Variants in AGRN observed in about 807,000 individuals in gnomAD.
AGRN encodes agrin proteoglycan.
Under a neutral mutation model 211.0 loss-of-function variants are expected in AGRN, and 106 were observed. The observed-to-expected ratio is 0.50, with a 90% CI of 0.43 to 0.59. The LOEUF (loss-of-function observed/expected upper bound fraction) is 0.59, where lower values mean the gene tolerates loss of function less well. Among genes scored for constraint, AGRN ranks in the 20% least tolerant of loss-of-function variants. The pLI is 0.00. For missense variants in AGRN, 3,040 were observed against 2,982.6 expected, an observed-to-expected ratio of 1.02 and a Z score of -0.45; for synonymous variants, 1,525 against 1,332.5, an observed-to-expected ratio of 1.14 and a Z score of -3.15.
chr1:1,054,507 C>T lies in AGRN; in HGVS notation c.5936C>T (p.Pro1979Leu), dbSNP rs750764002. 81 of 1,603,450 alleles carry T rather than the reference C, an allele frequency of 5.1e-5. No homozygotes were observed. The highest frequency in any genetic ancestry group is 6.0e-5 in the Non-Finnish European group (70 of 1,176,136). ...GNEAPVTGSS[P>L]LGATQLDTDG... The stretch of plus-strand genomic sequence containing the variant: ...GAGGCCCCTGTGACCGGCTCCTCCC[C>T]GCTGGGCGCCACGCAGCTGGACACT... Residue 1979 changes from proline to leucine, a missense_variant, in exon 35 of 36, where the codon CCG becomes CTG. Transcript: ENST00000379370.
chr1:1,025,923 C>A (rs371677093), intron 2 of AGRN, among the ~76,000 whole-genome samples: 1 of 152,300 alleles, frequency 6.6e-6, no homozygotes, highest in South Asian at 2.1e-4. Flanking sequence ...CGGTGCTTCC[C>A]GCCTGCGTGA....
chr1:1,024,406 G>A (rs1198654323), intron 2 of AGRN, among the ~76,000 whole-genome samples: 5 of 152,000 alleles, frequency 3.3e-5, no homozygotes, highest in Admixed American at 3.3e-4. Flanking sequence ...CCTCACCCTA[G>A]TGAGGGGGAT....
intron 33 of AGRN, 133 bp downstream of exon 33, chr1:1,051,948 C>T: frequency 1.3e-6 from 2 of 1,548,390 alleles, no homozygotes; most frequent in East Asian, 2.4e-5. Context: ...TCTCTCTCAC[C>T]TCCCGGTCCT....
At chr1:1,038,852 G>A (rs1644860783) in intron 3 of AGRN, among the ~76,000 whole-genome samples, 1 of 152,222 alleles carries the variant, frequency 6.6e-6, no homozygotes, top group African/African-American at 2.4e-5. Context: ...GAGATGCTGA[G>A]GGGAGAGAGA....
Position 1,032,863 on chromosome 1 carries a change from T to C in AGRN, c.464-2414T>C, listed in dbSNP as rs1372075700. 1.3e-5 allele frequency among the ~76,000 whole-genome samples: 2 copies of C among 152,006 alleles called. No individual in the cohort carries two copies. The highest frequency in any genetic ancestry group is 2.4e-5 in the African/African-American group (1 of 41,368). On this transcript the variant is annotated intron_variant, in intron 2 of 35. Coordinates refer to ENST00000379370, the MANE Select transcript of AGRN (RefSeq NM_198576.4). The surrounding 1 kb of genome is among the most constrained non-coding windows in gnomAD (Gnocchi z 4.7). ...CTGAGGTGCGGTCGCCGAGAGATTCTGGCCTCCAGGGTGGTCGGGCCTGGC... is the reference window on the plus strand; with the variant it reads ...CTGAGGTGCGGTCGCCGAGAGATTCCGGCCTCCAGGGTGGTCGGGCCTGGC...
chr1:1,029,365 A>ATCTATGCAGGCAGGTGGTGGGATCAGTG (rs1644595356), intron 2 of AGRN, among the ~76,000 whole-genome samples: 1 of 57,812 alleles, frequency 1.7e-5, no homozygotes, highest in Non-Finnish European at 3.4e-5. Context: ...GATGCCCAAT[A>ATCTATGCAGGCAGGTGGTGGGATCAGTG]TCTATGCAGG....
Position 1,048,063 on chromosome 1 carries a change from G to T in AGRN, c.3803G>T (p.Gly1268Val). ...TGATSGAIAA[G>V]ATARATTASR... ...GCCACGTCAGGAGCCATTGCTGCGGGAGCCACGGCCAGAGCCACCACTGCA... is the reference window on the plus strand; with the variant it reads ...GCCACGTCAGGAGCCATTGCTGCGGTAGCCACGGCCAGAGCCACCACTGCA... The change falls in exon 23 of 36, where the codon GGA (glycine) becomes GTA (valine). Residue 1268 changes from glycine (G) to valine (V), a missense_variant. Transcript: ENST00000379370. The surrounding 1 kb of genome is among the most constrained non-coding windows in gnomAD (Gnocchi z 5.9). 1 of 1,585,034 alleles carries T rather than the reference G, an allele frequency of 6.3e-7. No homozygotes were observed. Among genetic ancestry groups the T allele is most frequent in the Non-Finnish European group, 8.5e-7 (1 of 1,172,394 alleles).
At chr1:1,038,891 CA>C (rs1470277565) in intron 3 of AGRN, among the ~76,000 whole-genome samples, 1 of 152,122 alleles carries the variant, frequency 6.6e-6, no homozygotes, top group Non-Finnish European at 1.5e-5. Flanking sequence ...GTGAAAGGGC[CA>C]GGGGTGCATG....
chr1:1,042,372 C>T (rs905974560), intron 7 of AGRN, among the ~76,000 whole-genome samples: 2 of 152,200 alleles, frequency 1.3e-5, no homozygotes, highest in Non-Finnish European at 2.9e-5. Context: ...GGGCCTTGTC[C>T]AGGCTCCCTG....
rs138288952 is a variant in AGRN at position 1,043,382 on chromosome 1, G to A, written c.1528G>A (p.Gly510Ser). Reference sequence around the variant, plus strand: ...GTGCGGCAGCGACGGCGTCACATACGGCAGCGCGTGCGAGCTGGAGGCCAC... The same window carrying A: ...GTGCGGCAGCGACGGCGTCACATACAGCAGCGCGTGCGAGCTGGAGGCCAC... ...PVCGSDGVTY[G>S]SACELEATAC... The change falls in exon 8 of 36, where the codon GGC becomes AGC. Residue 510 changes from glycine to serine, a missense_variant. Gly to Ser is a moderately conservative substitution (Grantham distance 56, BLOSUM62 0). Transcript: ENST00000379370. 16,589 of 1,609,070 alleles carry A rather than the reference G, an allele frequency of 0.01. 105 individuals are homozygous for A. Among genetic ancestry groups the A allele is most frequent in the Non-Finnish European group, 0.012 (14,627 of 1,178,490 alleles).
In AGRN at chr1:1,035,286, G is replaced by A; in HGVS notation, c.473G>A (p.Gly158Glu). The A allele has an allele frequency of 1.2e-6, 2 of 1,613,150 alleles. No homozygotes were observed. Among genetic ancestry groups the A allele is most frequent in the Non-Finnish European group, 1.7e-6 (2 of 1,179,996 alleles). Residue 158 changes from glycine to glutamate, a missense_variant, in exon 3 of 36, where the codon GGG (glycine) becomes GAG (glutamate). Gly to Glu is a moderately conservative substitution (Grantham distance 98). Around this residue, in one of 3 missense-constraint regions of AGRN, gnomAD observed 1,498 missense variants for 1,457.8 expected, o/e 1.03. Coordinates refer to ENST00000379370, the MANE Select transcript of AGRN (RefSeq NM_198576.4). ...EVEFCVEDKP[G>E]THFTPVPPTP... ...ATTTGTTTTCTTCCAGATAAACCCG[G>A]GACCCACTTCACTCCAGTGCCTCCG... is the stretch of plus-strand genomic sequence containing the variant.
rs752078908 is a variant in AGRN at position 1,043,259 on chromosome 1, C to T, written c.1405C>T (p.Leu469Phe). ...GPCDQAPSPC[L>F]GVQCAFGATC... ...CCCAGACCAGGCCCCGTCCCCATGCCTCGGGGTGCAGTGTGCATTTGGGGC... is the reference window on the plus strand; with the variant it reads ...CCCAGACCAGGCCCCGTCCCCATGCTTCGGGGTGCAGTGTGCATTTGGGGC... The change falls in exon 8 of 36, where the codon CTC (leucine) becomes TTC (phenylalanine). Residue 469 changes from leucine (L) to phenylalanine (F), a missense_variant. Physicochemically the swap from Leu to Phe is conservative, Grantham distance 22 (BLOSUM62 0). Around this residue, in one of 3 missense-constraint regions of AGRN, gnomAD observed 1,498 missense variants for 1,457.8 expected, o/e 1.03. Transcript: ENST00000379370. 3.0e-5 allele frequency: 49 copies of T among 1,609,282 alleles called. No homozygotes were observed. Among genetic ancestry groups the T allele is most frequent in the Non-Finnish European group, 4.1e-5 (48 of 1,178,752 alleles).
chr1:1,048,821 A>G lies in AGRN; in HGVS notation c.4106-46A>G. On this transcript the variant is annotated intron_variant, in intron 23 of 35. Transcript: ENST00000379370. The surrounding 1 kb of genome is among the most constrained non-coding windows in gnomAD (Gnocchi z 5.9). ...GGCGGTTTCAGGGATAAAAGTGGGGAATCCTCGGAGCTTTTCCAGCCGGCC... is the reference window on the plus strand; with the variant it reads ...GGCGGTTTCAGGGATAAAAGTGGGGGATCCTCGGAGCTTTTCCAGCCGGCC... 2 of 1,481,136 alleles carry G rather than the reference A, an allele frequency of 1.4e-6. No individual in the cohort carries two copies. The highest frequency in any genetic ancestry group is 1.5e-5 in the African/African-American group (1 of 68,102). The allele number at this position is 1,481,136 out of a possible 1,614,324, so 91.7% of individuals were successfully genotyped here.
intron 14 of AGRN, 87 bp from the exon 15 acceptor site, chr1:1,045,646 G>A: frequency 6.2e-7 from 1 of 1,609,590 alleles, no homozygotes. Context: ...GGGCTGGGCA[G>A]AGCCAGGGTT....
At chr1:1,033,881 C>G (rs1261296946) in intron 2 of AGRN, among the ~76,000 whole-genome samples, 8 of 150,898 alleles carry the variant, frequency 5.3e-5, no homozygotes, top group Non-Finnish European at 5.9e-5. Flanking sequence ...GTGCGGCGCT[C>G]TCCCGTCCGC....
chr1:1,052,198 G>A (rs1210821016), intron 33 of AGRN: 3 of 692,676 alleles, frequency 4.3e-6, no homozygotes, highest in Middle Eastern at 5.0e-4. Context: ...CCCTCCCAGG[G>A]CACAGGCCGA....
rs747218604 is a variant in AGRN, at chr1:1,042,037, C to G, written c.1259C>G (p.Thr420Ser). The change falls in exon 7 of 36, where the codon ACC becomes AGC. Residue 420 changes from threonine to serine, a missense_variant. Physicochemically the swap from Thr to Ser is moderately conservative, Grantham distance 58. Coordinates refer to ENST00000379370, the MANE Select transcript of AGRN (RefSeq NM_198576.4). ...GRPRCSCDRV[T>S]CDGAYRPVCA... ...CCCCGCTGCTCCTGCGACCGCGTCA[C>G]CTGTGACGGGGCCTACAGGCCCGTG... 6.2e-7 allele frequency: 1 copy of G among 1,609,874 alleles called. No homozygotes were observed. Among genetic ancestry groups the G allele is most frequent in the South Asian group, 1.1e-5 (1 of 91,054 alleles).
At chr1:1,052,002 C>A (rs1468593959) in intron 33 of AGRN, 187 bp downstream of exon 33, 1 of 1,539,516 alleles carries the variant, frequency 6.5e-7, no homozygotes, top group Admixed American at 2.0e-5. Flanking sequence ...GCGAACTGGC[C>A]AATGAGATCC....
rs1047817998 is a variant in AGRN at position 1,054,466 on chromosome 1, C to T, written c.5895C>T (p.Ser1965=). ...CACCCAGGGAGCAGAGGGAAGGTTC[C>T]CTGCAGGTGGGCAATGAGGCCCCTG... The part of the protein sequence containing the change: ...VVAHREQREG[S]LQVGNEAPVT... The change falls in exon 35 of 36, where the codon TCC becomes TCT. Residue 1965 remains serine (S), a synonymous_variant. Transcript: ENST00000379370. The T allele has an allele frequency of 3.8e-6, 6 of 1,594,382 alleles. No individual in the cohort carries two copies. The African/African-American group carries it at 6.7e-5, about 18-fold the overall frequency.
Sources: allele counts gnomAD v4.1 joint callset (sites outside exome capture counted in the v4.1 genomes callset), GRCh38; gene constraint gnomAD v4.1.1; regional missense constraint gnomAD v4.1.1; non-coding constraint Gnocchi (gnomAD v3.1); transcripts MANE v1.5; gene names NCBI Gene and HGNC (gene_info 2026-07-23, HGNC 2026-07-21).